Variants in DOCK3 observed in about 807,000 individuals in gnomAD.
DOCK3 encodes dedicator of cytokinesis protein 3.
Under a neutral mutation model 265.6 loss-of-function variants are expected in DOCK3, and 60 were observed. The ratio of observed to expected loss-of-function variants is 0.23; its 90% confidence interval spans 0.18 to 0.28. The LOEUF (loss-of-function observed/expected upper bound fraction) is 0.28, where lower values mean the gene tolerates loss of function less well. Among genes scored for constraint, DOCK3 ranks in the 10% least tolerant of loss-of-function variants. DOCK3 has a pLI of 1.00. For synonymous variants in DOCK3, 881 were observed against 938.0 expected, an observed-to-expected ratio of 0.94 and a Z score of 1.11; for missense variants, 1,981 against 2,594.3, an observed-to-expected ratio of 0.76 and a Z score of 5.14.
At chr3:51,179,282 G>A (rs1231690359) in intron 12 of DOCK3, among the ~76,000 whole-genome samples, 1 of 152,202 alleles carries the variant, frequency 6.6e-6, no homozygotes, top group Non-Finnish European at 1.5e-5. Flanking sequence ...ATTATACAAT[G>A]CATCATACCA....
chr3:50,938,906 A>G (rs1297065521), intron 5 of DOCK3, among the ~76,000 whole-genome samples: 2 of 151,696 alleles, frequency 1.3e-5, no homozygotes, highest in Non-Finnish European at 2.9e-5. Flanking sequence ...AATAATAATA[A>G]TAATCCAAAG....
intron 37 of DOCK3, 25 bp from the exon 38 acceptor site, chr3:51,341,187 GCCTCTGAGCAAGGGAAGCCCCTGGA>G (rs2085213863): frequency 6.6e-7 from 1 of 1,517,476 alleles, no homozygotes; most frequent in African/African-American, 1.4e-5. Flanking sequence ...CTGCTCCTGG[GCCTCTGAGCAAGGGAAGCCCCTGGA>G]CCTCCATGCT....
intron 32 of DOCK3, among the ~76,000 whole-genome samples, chr3:51,328,485 A>T (rs2084298140): frequency 6.6e-6 from 1 of 151,994 alleles, no homozygotes; most frequent in African/African-American, 2.4e-5. Context: ...TTCTCTACAC[A>T]AAGAGAGTGA....
At chr3:50,781,405 A>G (rs1227782516) in intron 2 of DOCK3, among the ~76,000 whole-genome samples, 2 of 151,120 alleles carry the variant, frequency 1.3e-5, no homozygotes, top group Non-Finnish European at 2.9e-5. Flanking sequence ...GGCTGGGACT[A>G]CAGGTGCACA....
intron 2 of DOCK3, among the ~76,000 whole-genome samples, chr3:50,830,463 G>A (rs1252541872): frequency 6.6e-6 from 1 of 152,154 alleles, no homozygotes; most frequent in Non-Finnish European, 1.5e-5. Context: ...TCATCGGTGA[G>A]GAATATATGT....
intron 1 of DOCK3, among the ~76,000 whole-genome samples, chr3:50,724,889 A>G (rs1284539876): frequency 2.6e-5 from 4 of 152,002 alleles, no homozygotes; most frequent in African/African-American, 9.7e-5. Context: ...GCCACTCGGG[A>G]GGCTGAGGCA....
intron 7 of DOCK3, among the ~76,000 whole-genome samples, chr3:51,082,753 G>A (rs1266045936): frequency 6.6e-6 from 1 of 152,164 alleles, no homozygotes; most frequent in African/African-American, 2.4e-5. Flanking sequence ...CAGGACCTGG[G>A]TATTGACTAG....
intron 4 of DOCK3, among the ~76,000 whole-genome samples, chr3:50,920,401 TATTA>T (rs1422804692): frequency 6.6e-6 from 1 of 152,198 alleles, no homozygotes; most frequent in Non-Finnish European, 1.5e-5. Flanking sequence ...GTTGGTAGTC[TATTA>T]ATTATTGCCT....
intron 1 of DOCK3, among the ~76,000 whole-genome samples, chr3:50,735,144 C>T (rs1036399669): frequency 6.6e-5 from 10 of 151,852 alleles, no homozygotes; most frequent in African/African-American, 2.4e-4. Flanking sequence ...TCCATTTTCT[C>T]CTGGTCTGCA....
intron 5 of DOCK3, among the ~76,000 whole-genome samples, chr3:50,976,366 G>A (rs2077451416): frequency 1.5e-5 from 2 of 137,008 alleles, no homozygotes; most frequent in South Asian, 2.8e-4. Flanking sequence ...TGGTTTCAAA[G>A]GACATCTTTA....
intron 23 of DOCK3, among the ~76,000 whole-genome samples, chr3:51,268,702 G>A (rs1310246437): frequency 1.3e-5 from 2 of 152,104 alleles, no homozygotes; most frequent in Non-Finnish European, 2.9e-5. Context: ...CCAGAGGACA[G>A]GTGATCAACT....
intron 12 of DOCK3, among the ~76,000 whole-genome samples, chr3:51,199,446 A>G (rs1240878157): frequency 3.3e-5 from 5 of 152,240 alleles, no homozygotes; most frequent in South Asian, 2.1e-4. Context: ...CTAGCACAGC[A>G]GTCTGAGATC....
At chr3:51,282,546 G>A (rs541492542) in intron 27 of DOCK3, among the ~76,000 whole-genome samples, 10 of 151,732 alleles carry the variant, frequency 6.6e-5, no homozygotes, top group African/African-American at 1.9e-4. Flanking sequence ...CCAGCTACTC[G>A]GGAGGCTGAG....
At position 51,064,593 on chromosome 3, in the gene DOCK3, A is replaced by T; in HGVS notation, c.461A>T (p.Asn154Ile). The T allele has an allele frequency of 6.2e-7, 1 of 1,613,118 alleles. No homozygotes were observed. The highest frequency in any genetic ancestry group is 8.5e-7 in the Non-Finnish European group (1 of 1,179,348). Residue 154 changes from asparagine to isoleucine, a missense_variant, in exon 6 of 53, where the codon AAT (asparagine) becomes ATT (isoleucine). This residue lies in a region of DOCK3 where 456 missense variants were observed against 539.0 expected (regional missense o/e 0.85). Transcript: ENST00000266037. Reference protein sequence around the residue: ...RHITVRLDWGNEHLGLDLVPR... With the variant: ...RHITVRLDWGIEHLGLDLVPR... ...ATCACCGTGCGCCTGGACTGGGGTA[A>T]TGAGTAAGTATGAAAATTGTTTGGG...
At chr3:50,968,930 C>T (rs539735264) in intron 5 of DOCK3, among the ~76,000 whole-genome samples, 46 of 152,260 alleles carry the variant, frequency 3.0e-4, no homozygotes, top group Admixed American at 1.4e-3. Flanking sequence ...GTTCCATATG[C>T]TGATGAGAAG....
In DOCK3 at chr3:51,381,333, A is replaced by T; in HGVS notation, c.5867A>T (p.His1956Leu). ...DSIKAQPCRS[H>L]SAPGCVIPQD... ...ATCAAGGCCCAGCCATGCCGAAGCC[A>T]CTCAGCCCCAGGGTGCGTCATCCCT... is the stretch of plus-strand genomic sequence containing the variant. Residue 1956 changes from histidine to leucine, a missense_variant, in exon 53 of 53, where the codon CAC becomes CTC. Physicochemically the swap from His to Leu is moderately conservative, Grantham distance 99 (BLOSUM62 -3). Transcript: ENST00000266037. The surrounding 1 kb of genome is among the most constrained non-coding windows in gnomAD (Gnocchi z 5.6). 6.2e-7 allele frequency: 1 copy of T among 1,613,180 alleles called. No homozygotes were observed. The highest frequency in any genetic ancestry group is 1.1e-5 in the South Asian group (1 of 91,068).
chr3:50,991,347 G>C (rs911104911), intron 5 of DOCK3, among the ~76,000 whole-genome samples: 1 of 152,182 alleles, frequency 6.6e-6, no homozygotes, highest in African/African-American at 2.4e-5. Context: ...GTCTTCAAGA[G>C]ACCCATCTCA....
intron 24 of DOCK3, among the ~76,000 whole-genome samples, chr3:51,273,351 G>A (rs2080619703): frequency 6.6e-6 from 1 of 152,100 alleles, no homozygotes; most frequent in Non-Finnish European, 1.5e-5. Context: ...ATGACAAACA[G>A]CACCAAAATT....
intron 31 of DOCK3, among the ~76,000 whole-genome samples, chr3:51,314,238 G>A (rs181689137): frequency 1.3e-5 from 2 of 152,258 alleles, no homozygotes; most frequent in East Asian, 1.9e-4. Context: ...TAGATGGCAC[G>A]CCAATGAGAG....
Sources: gnomAD v4.1 joint callset for allele counts (sites outside exome capture counted in the v4.1 genomes callset) on GRCh38, gnomAD v4.1.1 for gene constraint, gnomAD v4.1.1 regional missense constraint, Gnocchi (gnomAD v3.1) non-coding constraint, MANE v1.5 for transcripts, NCBI Gene and HGNC (gene_info 2026-07-23, HGNC 2026-07-21) for gene names.